The following KLHL29 variants were observed in gnomAD, a reference collection of about 807,000 sequenced individuals.
KLHL29 encodes kelch like family member 29.
KLHL29 carries 21 observed loss-of-function variants against 80.4 expected under a neutral mutation model. The observed-to-expected ratio is 0.26, with a 90% CI of 0.19 to 0.38. KLHL29 has a LOEUF of 0.38. Ranked by LOEUF, KLHL29 falls within the 10% of genes least tolerant of loss-of-function variation. The probability of loss-of-function intolerance (pLI) is 1.00; values close to 1 mark genes in which losing one functional copy is unlikely to be tolerated. For synonymous variants in KLHL29, 511 were observed against 526.8 expected (o/e 0.97, Z 0.41); for missense variants, 867 against 1,223.9 (o/e 0.71, Z 4.35).
intron 3 of KLHL29, among the ~76,000 whole-genome samples, chr2:23,595,661 C>T (rs1213674101): frequency 2.6e-5 from 4 of 152,172 alleles, no homozygotes; most frequent in Non-Finnish European, 4.4e-5. Context: ...GGAGCAGTGT[C>T]CTGGTCACTT....
At chr2:23,393,382 T>C (rs112680578) in intron 1 of KLHL29, among the ~76,000 whole-genome samples, 101 of 152,354 alleles carry the variant, frequency 6.6e-4, no homozygotes, top group African/African-American at 2.2e-3. Context: ...ATTTGAGACT[T>C]TGAAGACTAA....
At chr2:23,604,390 C>T (rs1668652887) in intron 3 of KLHL29, among the ~76,000 whole-genome samples, 3 of 152,162 alleles carry the variant, frequency 2.0e-5, no homozygotes, top group South Asian at 2.1e-4. Flanking sequence ...CCACTGCGCC[C>T]GGCCTGGAAG....
At chr2:23,599,220 T>A (rs1328820468) in intron 3 of KLHL29, among the ~76,000 whole-genome samples, 1 of 152,174 alleles carries the variant, frequency 6.6e-6, no homozygotes, top group East Asian at 1.9e-4. Context: ...TCAAGGCCCG[T>A]GTTGCCCCCA....
chr2:23,591,206 C>T (rs559374215), intron 3 of KLHL29, among the ~76,000 whole-genome samples: 26 of 152,284 alleles, frequency 1.7e-4, no homozygotes, highest in Non-Finnish European at 2.9e-4. Context: ...AAAGGAGCAA[C>T]GGCCCTGAGG....
chr2:23,490,692 T>C (rs1665072328), intron 2 of KLHL29, among the ~76,000 whole-genome samples: 1 of 152,228 alleles, frequency 6.6e-6, no homozygotes, highest in African/African-American at 2.4e-5. Context: ...TTTGGATTTA[T>C]GGAAAGTTGG....
intron 1 of KLHL29, among the ~76,000 whole-genome samples, chr2:23,469,945 A>G (rs1681097040): frequency 1.3e-5 from 2 of 151,376 alleles, no homozygotes; most frequent in Non-Finnish European, 1.5e-5. Context: ...GATATGTGCC[A>G]GCATTGAGTG....
chr2:23,657,699 G>A (rs545811897), intron 5 of KLHL29, among the ~76,000 whole-genome samples: 11 of 152,330 alleles, frequency 7.2e-5, no homozygotes, highest in Non-Finnish European at 1.5e-4. Context: ...GGGACTCCCT[G>A]AGAGAGTTTT....
intron 3 of KLHL29, among the ~76,000 whole-genome samples, chr2:23,585,202 A>G (rs1484672871): frequency 4.6e-5 from 7 of 152,192 alleles, no homozygotes; most frequent in African/African-American, 1.7e-4. Flanking sequence ...CCACACCTGT[A>G]AAGGTTAGGG....
chr2:23,510,585 C>T (rs549987180), intron 2 of KLHL29, among the ~76,000 whole-genome samples: 4 of 152,238 alleles, frequency 2.6e-5, no homozygotes, highest in Non-Finnish European at 5.9e-5. Flanking sequence ...CCGATTGTCA[C>T]CAGCCAAGTC....
At chr2:23,493,217 CA>C (rs980467377) in intron 2 of KLHL29, among the ~76,000 whole-genome samples, 10 of 152,166 alleles carry the variant, frequency 6.6e-5, no homozygotes, top group Admixed American at 6.5e-4. Flanking sequence ...GCACAGCTCC[CA>C]GGGGGCCTCT....
At chr2:23,505,719 T>C (rs1175124382) in intron 2 of KLHL29, among the ~76,000 whole-genome samples, 1 of 152,190 alleles carries the variant, frequency 6.6e-6, no homozygotes, top group Non-Finnish European at 1.5e-5. Context: ...CTAGACTGAC[T>C]TTGGTGACTG....
At chr2:23,698,836 C>G (rs1283714068) in intron 11 of KLHL29, among the ~76,000 whole-genome samples, 1 of 152,186 alleles carries the variant, frequency 6.6e-6, no homozygotes, top group Non-Finnish European at 1.5e-5. Flanking sequence ...GCTTGGCAAT[C>G]AGCCACCTGG....
intron 2 of KLHL29, among the ~76,000 whole-genome samples, chr2:23,498,996 G>A (rs772089314): frequency 6.6e-5 from 10 of 152,158 alleles, no homozygotes; most frequent in South Asian, 2.1e-4. Context: ...CCCTGCGACC[G>A]ATCACGTTTC....
intron 3 of KLHL29, among the ~76,000 whole-genome samples, chr2:23,563,324 G>A (rs1000114838): frequency 1.3e-5 from 2 of 152,228 alleles, no homozygotes; most frequent in African/African-American, 4.8e-5. Flanking sequence ...TGGAGGGCCG[G>A]GCCCCTGGCC....
intron 2 of KLHL29, among the ~76,000 whole-genome samples, chr2:23,522,839 C>G (rs1288776969): frequency 6.6e-6 from 1 of 152,226 alleles, no homozygotes; most frequent in Non-Finnish European, 1.5e-5. Flanking sequence ...TCTTCCCCTG[C>G]TGCCGCCACA....
chr2:23,516,831 A>T (rs1665947281), intron 2 of KLHL29, among the ~76,000 whole-genome samples: 1 of 152,214 alleles, frequency 6.6e-6, no homozygotes. Context: ...AAAGCCTCAC[A>T]GTTTGATCTG....
Position 23,613,788 on chromosome 2 carries a change from A to AAAAAAAAAAC in KLHL29, c.286-25349_286-25348insAAAAAAACAA, listed in dbSNP as rs1553344242. On this transcript the variant is annotated intron_variant, in intron 3 of 13. Transcript: ENST00000486442. Reference sequence around the variant, plus strand: ...CAAAAAAAAAAAAAAAAAAAAAAAAAAACCCACCACTCTCAGCTCACCAGG... The same window carrying AAAAAAAAAAC: ...CAAAAAAAAAAAAAAAAAAAAAAAAAAAAAAAAAACAACCCACCACTCTCAGCTCACCAGG... 1.5e-4 allele frequency among the ~76,000 whole-genome samples: 22 copies of AAAAAAAAAAC among 147,344 alleles called. 1 individual carries two copies. The highest frequency in any genetic ancestry group is 2.7e-4 in the Non-Finnish European group (18 of 66,272).
chr2:23,513,747 C>T (rs962813292), intron 2 of KLHL29, among the ~76,000 whole-genome samples: 3 of 152,042 alleles, frequency 2.0e-5, no homozygotes, highest in African/African-American at 4.8e-5. Context: ...ATCGAGGATG[C>T]GCTGGGTGCA....
At chr2:23,582,488 C>A (rs1668011679) in intron 3 of KLHL29, among the ~76,000 whole-genome samples, 1 of 152,106 alleles carries the variant, frequency 6.6e-6, no homozygotes, top group Non-Finnish European at 1.5e-5. Flanking sequence ...GTCCTGGTGT[C>A]AGGGGTCCCG....
Sources: gnomAD v4.1 joint callset for allele counts (sites outside exome capture counted in the v4.1 genomes callset) on GRCh38, gnomAD v4.1.1 for gene constraint, MANE v1.5 for transcripts, NCBI Gene and HGNC (gene_info 2026-07-23, HGNC 2026-07-21) for gene names.